TRIM66: variants seen among roughly 807,000 people sequenced by gnomAD.
TRIM66 encodes tripartite motif-containing protein 66.
In TRIM66, 99 loss-of-function variants were observed where a neutral mutation model predicts 148.2. The observed-to-expected ratio is 0.67, with a 90% CI of 0.57 to 0.79. The LOEUF is 0.79. Among genes scored for constraint, TRIM66 ranks in the 30% least tolerant of loss-of-function variants. TRIM66 has a pLI of 0.00. For missense variants in TRIM66, 1,666 were observed against 1,697.9 expected (o/e 0.98, Z 0.33); for synonymous variants, 616 against 635.9 (o/e 0.97, Z 0.47).
intron 15 of TRIM66, among the ~76,000 whole-genome samples, chr11:8,637,315 T>G (rs975476555): frequency 5.0e-5 from 2 of 40,188 alleles, no homozygotes; most frequent in African/African-American, 1.5e-4. Context: ...ATATAATCAT[T>G]TAATGCATAT....
chr11:8,619,046 A>C, intron 23 of TRIM66, 78 bp from the exon 24 acceptor site: 1 of 1,326,030 alleles, frequency 7.5e-7, no homozygotes, highest in Non-Finnish European at 1.1e-6. Context: ...AGAGCTACAC[A>C]GAGCACAAAG....
chr11:8,624,270 C>G (rs2034591536), intron 17 of TRIM66, 89 bp downstream of exon 17: 1 of 1,408,816 alleles, frequency 7.1e-7, no homozygotes, highest in Admixed American at 2.6e-5. Context: ...CAGCTTAGAG[C>G]TTGTCTGCTG....
chr11:8,682,481 C>G (rs1326790697), intron 1 of TRIM66, 120 bp downstream of exon 1: 1 of 440,170 alleles, frequency 2.3e-6, no homozygotes, highest in Non-Finnish European at 4.1e-6. Context: ...AGGCGGTTCC[C>G]TGACCAAGGC....
chr11:8,640,813 CT>C lies in TRIM66; in HGVS notation c.1561del (p.Ser521AlafsTer31). ...LLPREKELAC[S>X]PHPPKLLQPW... ...CTGCAGCAGCTTTGGTGGATGAGGG[CT>C]GCAGGCCAGCTCTTTCTCCCTGGGC... On this transcript the variant is annotated frameshift_variant, in exon 14 of 25. Transcript: ENST00000646038. LOFTEE classifies it high-confidence loss of function. 6.4e-7 allele frequency: 1 copy of C among 1,550,776 alleles called. No homozygotes were observed. The highest frequency in any genetic ancestry group is 8.7e-7 in the Non-Finnish European group (1 of 1,146,990).
At position 8,613,759 on chromosome 11, in the gene TRIM66, A is replaced by G. The variant is rs530457554; in HGVS notation, c.*4185T>C. ...GGAGGGGTTGGGGAGAGTTACAGAC[A>G]CAGATGAATGAGAGGGGAGAGAGGA... On this transcript the variant is annotated 3_prime_UTR_variant, in exon 25 of 25. Transcript: ENST00000646038. 16 of 152,432 alleles carry G rather than the reference A, an allele frequency of 1.0e-4. No homozygotes were observed. The highest frequency in any genetic ancestry group is 3.1e-4 in the African/African-American group (13 of 41,556). 9.4% of individuals were successfully genotyped at this position (152,432 alleles called of 1,614,324 possible).
At chr11:8,671,027 G>A (rs891802739) in intron 6 of TRIM66, among the ~76,000 whole-genome samples, 6 of 152,180 alleles carry the variant, frequency 3.9e-5, no homozygotes, top group Admixed American at 1.3e-4. Context: ...AACGGCTCAC[G>A]CCTGTAATCC....
chr11:8,675,058 T>C (rs139590500), intron 3 of TRIM66, among the ~76,000 whole-genome samples, 175 bp from the exon 4 acceptor site: 5 of 152,374 alleles, frequency 3.3e-5, no homozygotes, highest in African/African-American at 9.6e-5. Context: ...CTCTTTGAAC[T>C]AGTCTTTTCC....
intron 3 of TRIM66, among the ~76,000 whole-genome samples, chr11:8,678,571 A>G (rs2039286125): frequency 6.6e-6 from 1 of 152,170 alleles, no homozygotes; most frequent in African/African-American, 2.4e-5. Context: ...TGTACTGTCT[A>G]TTACGTATAA....
intron 14 of TRIM66, among the ~76,000 whole-genome samples, chr11:8,639,621 T>C (rs1432433913): frequency 6.6e-6 from 1 of 152,230 alleles, no homozygotes; most frequent in Non-Finnish European, 1.5e-5. Flanking sequence ...TAGCCTTCTC[T>C]AGCTCCCACT....
intron 8 of TRIM66, 137 bp downstream of exon 8, chr11:8,649,603 C>T (rs2037175499): frequency 2.4e-6 from 3 of 1,237,760 alleles, no homozygotes; most frequent in Non-Finnish European, 3.3e-6. Flanking sequence ...AGGAGACTTC[C>T]TTTGGGAAAG....
chr11:8,640,181 TCC>T, intron 14 of TRIM66, 44 bp downstream of exon 14: 1 of 1,519,208 alleles, frequency 6.6e-7, no homozygotes, highest in East Asian at 2.5e-5. Context: ...CCCTGAGTGA[TCC>T]TACGATGGGC....
In TRIM66 at chr11:8,621,704, C is replaced by G; in HGVS notation, c.3196G>C (p.Asp1066His). ...TCGATGATCAGCAGGAAGCTCCCAT[C>G]CTGATCATTCTTCTGTGGCTTCAGT... Reference protein sequence around the residue: ...FKLKPQKNDQDGSFLLIIECG... With the variant: ...FKLKPQKNDQHGSFLLIIECG... Residue 1066 changes from aspartate to histidine, a missense_variant, in exon 19 of 25, where the codon GAT (aspartate) becomes CAT (histidine). Coordinates refer to ENST00000646038, the MANE Select transcript of TRIM66 (RefSeq NM_001388022.1). The G allele has an allele frequency of 1.3e-6, 2 of 1,551,736 alleles. No homozygotes were observed. Among genetic ancestry groups the G allele is most frequent in the Middle Eastern group, 1.7e-4 (1 of 5,992 alleles).
chr11:8,648,886 T>C (rs2037099585), intron 8 of TRIM66, among the ~76,000 whole-genome samples: 1 of 152,250 alleles, frequency 6.6e-6, no homozygotes, highest in South Asian at 2.1e-4. Context: ...TTAATCAGGA[T>C]TCTGTTTTTA....
intron 7 of TRIM66, 27 bp from the exon 8 acceptor site, chr11:8,649,914 T>A: frequency 6.5e-7 from 1 of 1,543,962 alleles, no homozygotes; most frequent in African/African-American, 1.4e-5. Context: ...CTGGAGTTAC[T>A]GATGTTATCC....
At chr11:8,671,088 A>T (rs1010645180) in intron 6 of TRIM66, among the ~76,000 whole-genome samples, 1 of 152,242 alleles carries the variant, frequency 6.6e-6, no homozygotes, top group Non-Finnish European at 1.5e-5. Flanking sequence ...CCTCACAGAG[A>T]GCCTAGATTT....
In TRIM66 at chr11:8,616,519, T is replaced by C. The variant is rs1230137243; in HGVS notation, c.*1425A>G. On this transcript the variant is annotated 3_prime_UTR_variant, in exon 25 of 25. Coordinates refer to ENST00000646038, the MANE Select transcript of TRIM66 (RefSeq NM_001388022.1). ...AACAATATGAGCAATGGGTTCCTTC[T>C]CAACCAAGCCCTTGCTTGGGAGGTA... 1 of 152,180 alleles carries C rather than the reference T, an allele frequency of 6.6e-6. No homozygotes were observed. Among genetic ancestry groups the C allele is most frequent in the Non-Finnish European group, 1.5e-5 (1 of 68,048 alleles). The allele number at this position is 152,180 out of a possible 1,614,324, so 9.4% of individuals were successfully genotyped here. A position where few individuals can be genotyped will look rare whatever the true frequency, so the allele number is the denominator to read the frequency against.
At chr11:8,619,025 C>T (rs1250302360) in intron 23 of TRIM66, 57 bp from the exon 24 acceptor site, 19 of 1,477,416 alleles carry the variant, frequency 1.3e-5, no homozygotes, top group Admixed American at 5.9e-5. Flanking sequence ...CCATCTCTTT[C>T]GGGTCCCTCA....
At chr11:8,638,351 C>G (rs1008269727) in intron 15 of TRIM66, among the ~76,000 whole-genome samples, 1 of 152,198 alleles carries the variant, frequency 6.6e-6, no homozygotes, top group Non-Finnish European at 1.5e-5. Flanking sequence ...GCTGGTGAAG[C>G]AGCACACACG....
chr11:8,656,448 T>C (rs1007448007), intron 6 of TRIM66, among the ~76,000 whole-genome samples: 2 of 152,184 alleles, frequency 1.3e-5, no homozygotes, highest in Non-Finnish European at 2.9e-5. Context: ...CACATGATTA[T>C]CCTCAGGAGA....
Sources: gnomAD v4.1 joint callset for allele counts (sites outside exome capture counted in the v4.1 genomes callset) on GRCh38, gnomAD v4.1.1 for gene constraint, MANE v1.5 for transcripts, NCBI Gene and HGNC (gene_info 2026-07-23, HGNC 2026-07-21) for gene names.